Variants in SNX16 observed in about 807,000 individuals in gnomAD.
The protein encoded by SNX16 is sorting nexin 16.
SNX16 carries 35 observed loss-of-function variants against 36.7 expected under a neutral mutation model. The ratio of observed to expected loss-of-function variants is 0.95; its 90% CI spans 0.73 to 1.27. The LOEUF is 1.27. SNX16 is among the 50% of genes most tolerant of loss of function. The pLI, the probability that SNX16 is intolerant of heterozygous loss-of-function variation, is 0.00. For missense variants in SNX16, 367 were observed against 393.6 expected (o/e 0.93, Z 0.57); for synonymous variants, 134 against 132.0 (o/e 1.02, Z -0.10).
At chr8:81,841,143 C>T (rs2130784504) in intron 1 of SNX16, among the ~76,000 whole-genome samples, 1 of 152,272 alleles carries the variant, frequency 6.6e-6, no homozygotes, top group South Asian at 2.1e-4. Context: ...GAGTTCGAGG[C>T]TAGCCTGGCC....
intron 2 of SNX16, among the ~76,000 whole-genome samples, chr8:81,835,220 A>G (rs182236966): frequency 2.2e-3 from 335 of 152,282 alleles, no homozygotes; most frequent in African/African-American, 7.7e-3. Context: ...GCTGGGACGC[A>G]GGGCACCAAG....
chr8:81,802,124 T>C (rs1809726964), intron 7 of SNX16, among the ~76,000 whole-genome samples: 1 of 151,654 alleles, frequency 6.6e-6, no homozygotes, highest in Non-Finnish European at 1.5e-5. Flanking sequence ...CAGAGGCCAG[T>C]TAATGCAGAC....
intron 5 of SNX16, among the ~76,000 whole-genome samples, chr8:81,814,191 G>A (rs1358670190): frequency 6.6e-6 from 1 of 151,868 alleles, no homozygotes. Context: ...TGGGTGACTG[G>A]ATAAACAAAA....
At chr8:81,807,509 AC>A (rs1470484368) in intron 5 of SNX16, among the ~76,000 whole-genome samples, 1 of 97,984 alleles carries the variant, frequency 1.0e-5, no homozygotes, top group Non-Finnish European at 1.9e-5. Context: ...ACAGTTTGAG[AC>A]TCTGTCTCAA....
intron 5 of SNX16, among the ~76,000 whole-genome samples, chr8:81,814,035 A>G (rs983059127): frequency 6.6e-6 from 1 of 152,066 alleles, no homozygotes; most frequent in Non-Finnish European, 1.5e-5. Flanking sequence ...AACTTGTTAC[A>G]TGATCAAACA....
chr8:81,813,045 GA>G (rs1430888141), intron 5 of SNX16, among the ~76,000 whole-genome samples: 39 of 152,036 alleles, frequency 2.6e-4, no homozygotes, highest in African/African-American at 7.7e-4. Flanking sequence ...GATGGAGACA[GA>G]TGAGAGAAAC....
At chr8:81,833,344 C>T (rs1273215050) in intron 2 of SNX16, among the ~76,000 whole-genome samples, 1 of 151,550 alleles carries the variant, frequency 6.6e-6, no homozygotes, top group East Asian at 1.9e-4. Context: ...TCTCTTTCAG[C>T]TTTTAAGGGA....
In SNX16 at chr8:81,801,450, T is replaced by C. The variant is rs1439527944; in HGVS notation, c.*47A>G. Reference sequence around the variant, plus strand: ...TCTTTTAAAATAGTATTTGCCACTCTTCTAAATTTTTGAATAGTCTAAATG... The same window carrying C: ...TCTTTTAAAATAGTATTTGCCACTCCTCTAAATTTTTGAATAGTCTAAATG... On this transcript the variant is annotated 3_prime_UTR_variant, in exon 8 of 8. Transcript: ENST00000345957. 1 of 1,130,626 alleles carries C rather than the reference T, an allele frequency of 8.8e-7. No individual in the cohort carries two copies. The highest frequency in any genetic ancestry group is 2.2e-5 in the Admixed American group (1 of 44,808). 70.0% of individuals were successfully genotyped at this position (1,130,626 alleles called of 1,614,324 possible). A position where few individuals can be genotyped will look rare whatever the true frequency, so the allele number is the denominator to read the frequency against.
At chr8:81,825,460 T>C (rs1330822389) in intron 3 of SNX16, among the ~76,000 whole-genome samples, 1 of 152,186 alleles carries the variant, frequency 6.6e-6, no homozygotes, top group African/African-American at 2.4e-5. Flanking sequence ...GATTAGGATT[T>C]AATTAGTTGA....
At chr8:81,809,977 G>C (rs1810158782) in intron 5 of SNX16, among the ~76,000 whole-genome samples, 1 of 152,114 alleles carries the variant, frequency 6.6e-6, no homozygotes. Context: ...CTGGGATAGA[G>C]ATCAAACAGT....
rs1375073865 is a variant in SNX16 at position 81,831,588 on chromosome 8, C to T, written c.376-2072G>A. Among the ~76,000 whole-genome samples, 3 of 151,016 alleles carry T rather than the reference C, an allele frequency of 2.0e-5. No individual in the cohort carries two copies. The East Asian group carries it at 5.8e-4, about 29-fold the overall frequency. ...TGGTGGGTGCCTGTAATCCCAGCTA[C>T]TCGGGAGGCTGAGATGGGAGAATTG... is the stretch of plus-strand genomic sequence containing the variant. On this transcript the variant is annotated intron_variant, in intron 2 of 7. Coordinates refer to ENST00000345957, the MANE Select transcript of SNX16 (RefSeq NM_152836.3).
chr8:81,825,791 C>T (rs941143848), intron 3 of SNX16, among the ~76,000 whole-genome samples: 1 of 151,816 alleles, frequency 6.6e-6, no homozygotes, highest in Non-Finnish European at 1.5e-5. Context: ...TTTCTATAAA[C>T]GTGAAGATAA....
At chr8:81,808,497 G>A in intron 5 of SNX16, 1 of 962,760 alleles carries the variant, frequency 1.0e-6, no homozygotes, top group South Asian at 1.3e-5. Flanking sequence ...CAGTGGGGAT[G>A]GCTATAAGGG....
At chr8:81,801,756 T>C (rs968483621) in intron 7 of SNX16, among the ~76,000 whole-genome samples, 163 bp from the exon 8 acceptor site, 1 of 151,716 alleles carries the variant, frequency 6.6e-6, no homozygotes, top group Non-Finnish European at 1.5e-5. Flanking sequence ...AATCAGAAAT[T>C]TGATATATTT....
chr8:81,826,222 G>C (rs929589602), intron 3 of SNX16, among the ~76,000 whole-genome samples: 1 of 152,096 alleles, frequency 6.6e-6, no homozygotes, highest in African/African-American at 2.4e-5. Flanking sequence ...ATCAGTTTAG[G>C]AGAGAGCAGC....
intron 4 of SNX16, among the ~76,000 whole-genome samples, chr8:81,816,397 C>G (rs1810494648): frequency 6.6e-6 from 1 of 151,802 alleles, no homozygotes; most frequent in South Asian, 2.1e-4. Context: ...TCCATGTTGG[C>G]CAGGCTGGTC....
chr8:81,803,114 C>T lies in SNX16; in HGVS notation c.796G>A (p.Asp266Asn). 1 of 1,609,972 alleles carries T rather than the reference C, an allele frequency of 6.2e-7. No homozygotes were observed. Among genetic ancestry groups the T allele is most frequent in the Non-Finnish European group, 8.5e-7 (1 of 1,178,224 alleles). The change falls in exon 6 of 8, where the codon GAC becomes AAC. Residue 266 changes from aspartate to asparagine, a missense_variant. By Grantham distance (23) the Asp-to-Asn change is conservative (BLOSUM62 1). Transcript: ENST00000345957. ...CACCTGATTCTGTTCTCTAAAGTGT[C>T]TATATGAAGTTGCTTCTCACTGAGC... is the stretch of plus-strand genomic sequence containing the variant. ...KLLSEKQLHI[D>N]TLENRIRTLS...
chr8:81,827,339 T>C (rs1261908313), intron 3 of SNX16, among the ~76,000 whole-genome samples: 1 of 152,136 alleles, frequency 6.6e-6, no homozygotes, highest in Non-Finnish European at 1.5e-5. Flanking sequence ...AAGGATTAAA[T>C]AGGTCTACAA....
intron 2 of SNX16, among the ~76,000 whole-genome samples, chr8:81,829,831 TGAA>T (rs1811173286): frequency 6.6e-6 from 1 of 152,148 alleles, no homozygotes; most frequent in African/African-American, 2.4e-5. Flanking sequence ...AAATTATACT[TGAA>T]GAAGCTATGA....
Sources: allele counts gnomAD v4.1 joint callset (sites outside exome capture counted in the v4.1 genomes callset), GRCh38; gene constraint gnomAD v4.1.1; transcripts MANE v1.5; gene names NCBI Gene and HGNC (gene_info 2026-07-23, HGNC 2026-07-21).